Variants in MND1 observed in about 807,000 individuals in gnomAD.
MND1 encodes the protein meiotic nuclear division protein 1 homolog.
A neutral mutation model predicts 35.1 loss-of-function variants in MND1; 28 were observed. The ratio of observed to expected loss-of-function variants is 0.80; its 90% CI spans 0.59 to 1.09. The LOEUF (loss-of-function observed/expected upper bound fraction) is 1.09. Among genes scored for constraint, MND1 ranks in the 50% least tolerant of loss-of-function variants. The pLI is 0.00. For synonymous variants in MND1, 69 were observed against 70.5 expected (o/e 0.98, Z 0.11); for missense variants, 213 against 239.6 (o/e 0.89, Z 0.73).
chr4:153,367,938 T>C (rs774794781), intron 4 of MND1, among the ~76,000 whole-genome samples: 21 of 152,348 alleles, frequency 1.4e-4, no homozygotes, highest in Non-Finnish European at 2.1e-4. Context: ...ACTGGTGATG[T>C]TGAGCATCTT....
intron 4 of MND1, among the ~76,000 whole-genome samples, chr4:153,393,822 T>C (rs1729115891): frequency 6.6e-6 from 1 of 151,970 alleles, no homozygotes; most frequent in Non-Finnish European, 1.5e-5. Context: ...GAAAATGTTT[T>C]TTAAACTCTT....
intron 2 of MND1, among the ~76,000 whole-genome samples, chr4:153,354,004 G>A (rs1434613687): frequency 6.6e-6 from 1 of 152,226 alleles, no homozygotes; most frequent in Non-Finnish European, 1.5e-5. Flanking sequence ...ACAGGCGTGA[G>A]CCACCATGTC....
intron 5 of MND1, among the ~76,000 whole-genome samples, chr4:153,396,915 A>G (rs1729212024): frequency 6.6e-6 from 1 of 152,182 alleles, no homozygotes; most frequent in African/African-American, 2.4e-5. Context: ...GTAACATACA[A>G]CGACATGGTC....
At chr4:153,395,338 A>C (rs1729168615) in intron 5 of MND1, among the ~76,000 whole-genome samples, 1 of 152,182 alleles carries the variant, frequency 6.6e-6, no homozygotes. Context: ...ATGGTGACAT[A>C]TGCTTGCCCA....
rs371396294 is a variant in MND1 at position 153,412,726 on chromosome 4, A to G, written c.512-2025A>G. ...GTCTCTCGAACTCCTGACCTCAGGC[A>G]ATCTGCCTGCCTCGGCCCCACAAAG... On this transcript the variant is annotated intron_variant, in intron 7 of 7. Transcript: ENST00000240488. Among the ~76,000 whole-genome samples, 63 of 151,144 alleles carry G rather than the reference A, an allele frequency of 4.2e-4. 1 individual carries two copies. The South Asian group carries it at 0.012, about 29-fold the overall frequency.
At chr4:153,376,659 T>C (rs1399581441) in intron 4 of MND1, among the ~76,000 whole-genome samples, 2 of 152,154 alleles carry the variant, frequency 1.3e-5, no homozygotes, top group Non-Finnish European at 2.9e-5. Context: ...AATGCACATT[T>C]TTTAGTCTTT....
intron 6 of MND1, among the ~76,000 whole-genome samples, 156 bp downstream of exon 6, chr4:153,397,489 T>C (rs1014018850): frequency 1.3e-5 from 2 of 152,184 alleles, no homozygotes; most frequent in African/African-American, 4.8e-5. Flanking sequence ...ATTTGTAACA[T>C]AGTAGGAAAA....
rs751090463 is a variant in MND1, at chr4:153,414,803, A to C, written c.564A>C (p.Glu188Asp). 5 of 1,564,568 alleles carry C rather than the reference A, an allele frequency of 3.2e-6. No homozygotes were observed. The Admixed American group carries it at 9.1e-5, about 28-fold the overall frequency. ...CCAAAAGAAAATTTGGGTTTGAAGA[A>C]AATAAAATTGATAGAACTTTTGGAA... ...SWAKRKFGFE[E>D]NKIDRTFGIP... The change falls in exon 8 of 8, where the codon GAA becomes GAC. Residue 188 changes from glutamate to aspartate, a missense_variant. Physicochemically the swap from Glu to Asp is conservative, Grantham distance 45. Coordinates refer to ENST00000240488, the MANE Select transcript of MND1 (RefSeq NM_032117.4).
intron 6 of MND1, among the ~76,000 whole-genome samples, chr4:153,401,607 C>A (rs115875322): frequency 6.6e-6 from 1 of 151,786 alleles, no homozygotes; most frequent in East Asian, 1.9e-4. Context: ...TTTCAGCTAT[C>A]ATGTTAACGC....
At chr4:153,362,319 G>A (rs532098622) in intron 4 of MND1, among the ~76,000 whole-genome samples, 1 of 152,304 alleles carries the variant, frequency 6.6e-6, no homozygotes, top group South Asian at 2.1e-4. Flanking sequence ...ATTGGATCTT[G>A]GGGGCGGTTT....
At chr4:153,382,827 A>G (rs1728745864) in intron 4 of MND1, among the ~76,000 whole-genome samples, 1 of 152,224 alleles carries the variant, frequency 6.6e-6, no homozygotes, top group Non-Finnish European at 1.5e-5. Context: ...TTCATTAGAA[A>G]TTTCAATGGT....
At chr4:153,399,995 A>C (rs1308944332) in intron 6 of MND1, among the ~76,000 whole-genome samples, 11 of 143,462 alleles carry the variant, frequency 7.7e-5, no homozygotes, top group Non-Finnish European at 9.0e-5. Flanking sequence ...CAACCCCCGC[A>C]AGCTCAAGTC....
intron 6 of MND1, among the ~76,000 whole-genome samples, chr4:153,399,110 C>A (rs1009902381): frequency 1.3e-5 from 2 of 152,284 alleles, no homozygotes; most frequent in Non-Finnish European, 1.5e-5. Flanking sequence ...ATAACCAAAT[C>A]GGACCCTTCA....
chr4:153,412,484 C>CT (rs59668809), intron 7 of MND1, among the ~76,000 whole-genome samples: 5,024 of 138,504 alleles, frequency 0.036, 121 homozygotes, highest in East Asian at 0.079. Flanking sequence ...TCCAAATTTC[C>CT]TTTTTTTTTT....
chr4:153,356,178 A>G (rs1773333639), intron 3 of MND1, among the ~76,000 whole-genome samples: 1 of 152,142 alleles, frequency 6.6e-6, no homozygotes, highest in South Asian at 2.1e-4. Flanking sequence ...GCTGTCGAAA[A>G]CAATGTGTTG....
intron 1 of MND1, among the ~76,000 whole-genome samples, chr4:153,346,907 C>A (rs1773089345): frequency 6.6e-6 from 1 of 152,148 alleles, no homozygotes; most frequent in Non-Finnish European, 1.5e-5. Flanking sequence ...AAAGGGATTC[C>A]CATTGCCCCG....
At chr4:153,392,108 A>AT (rs1729062632) in intron 4 of MND1, among the ~76,000 whole-genome samples, 1 of 143,422 alleles carries the variant, frequency 7.0e-6, no homozygotes, top group African/African-American at 2.7e-5. Context: ...GGGGCAGTTT[A>AT]GTTTTTTTTT....
chr4:153,359,897 C>T (rs1220619370), intron 4 of MND1, among the ~76,000 whole-genome samples: 2 of 150,900 alleles, frequency 1.3e-5, no homozygotes, highest in African/African-American at 2.4e-5. Flanking sequence ...AAGTGATTCT[C>T]CTGCCTCAGC....
intron 7 of MND1, among the ~76,000 whole-genome samples, chr4:153,414,522 A>G (rs1729780975): frequency 6.6e-6 from 1 of 151,908 alleles, no homozygotes; most frequent in Non-Finnish European, 1.5e-5. Flanking sequence ...TGACCTCATG[A>G]TCACCCTGCC....
Sources: allele counts gnomAD v4.1 joint callset (sites outside exome capture counted in the v4.1 genomes callset), GRCh38; gene constraint gnomAD v4.1.1; transcripts MANE v1.5; gene names NCBI Gene and HGNC (gene_info 2026-07-23, HGNC 2026-07-21).